The following POLR2F variants were observed in gnomAD, a reference collection of about 807,000 sequenced individuals.
The protein encoded by POLR2F is DNA-directed RNA polymerases I, II, and III subunit RPABC2.
A neutral mutation model predicts 22.7 loss-of-function variants in POLR2F; 12 were observed. The observed-to-expected ratio is 0.53, with a 90% CI of 0.34 to 0.86. The LOEUF (loss-of-function observed/expected upper bound fraction) is 0.86, where lower values mean the gene tolerates loss of function less well. Among genes scored for constraint, POLR2F ranks in the 40% least tolerant of loss-of-function variants. The probability of loss-of-function intolerance (pLI) is 0.02; values close to 1 mark genes in which losing one functional copy is unlikely to be tolerated. For synonymous variants in POLR2F, 57 were observed against 66.0 expected, an observed-to-expected ratio of 0.86 and a Z score of 0.66; for missense variants, 126 against 171.5, an observed-to-expected ratio of 0.73 and a Z score of 1.48.
At chr22:37,957,134 A>G (rs866629165) in intron 2 of POLR2F, among the ~76,000 whole-genome samples, 2 of 152,314 alleles carry the variant, frequency 1.3e-5, no homozygotes, top group Middle Eastern at 3.4e-3. Flanking sequence ...AATGTTTATT[A>G]TATGCCAGGT....
intron 1 of POLR2F, 122 bp from the exon 2 acceptor site, chr22:37,956,651 A>G (rs1931412362): frequency 1.3e-6 from 1 of 767,378 alleles, no homozygotes; most frequent in East Asian, 2.5e-5. Context: ...TCCTGGCCTC[A>G]AGTGATCCGC....
chr22:37,996,015 C>T (rs1269513159), intron 1 of POLR2F, among the ~76,000 whole-genome samples: 2 of 151,938 alleles, frequency 1.3e-5, no homozygotes, highest in African/African-American at 2.4e-5. Flanking sequence ...AAATAAAGAG[C>T]GAGGAGGAGG....
chr22:38,013,481 G>A (rs1037167813), intron 1 of POLR2F, among the ~76,000 whole-genome samples: 1 of 152,186 alleles, frequency 6.6e-6, no homozygotes, highest in African/African-American at 2.4e-5. Flanking sequence ...GAGAAATCTT[G>A]CTATCATTGT....
intron 1 of POLR2F, among the ~76,000 whole-genome samples, chr22:37,994,720 G>A (rs1368957301): frequency 4.6e-5 from 7 of 152,072 alleles, no homozygotes; most frequent in Admixed American, 2.0e-4. Flanking sequence ...GGGTTTCACC[G>A]TGGTCTCGAG....
intron 1 of POLR2F, among the ~76,000 whole-genome samples, chr22:38,006,521 G>C (rs1015126367): frequency 3.3e-5 from 5 of 152,224 alleles, no homozygotes; most frequent in Non-Finnish European, 7.3e-5. Flanking sequence ...CAGAGGAGAC[G>C]AGGCAGGTTC....
chr22:37,986,497 C>A lies in POLR2F; in HGVS notation c.120+185C>A. On this transcript the variant is annotated intron_variant, in intron 1 of 2. Coordinates refer to the POLR2F transcript ENST00000333418. The surrounding 1 kb of genome is among the most constrained non-coding windows in gnomAD (Gnocchi z 4.7). ...CCACAGCTGCCCCCTCTCTAACTCCCTGCTTCCTCCTTTGCCCTCCTTGGT... is the reference window on the plus strand; with the variant it reads ...CCACAGCTGCCCCCTCTCTAACTCCATGCTTCCTCCTTTGCCCTCCTTGGT... 1 of 1,344,566 alleles carries A rather than the reference C, an allele frequency of 7.4e-7. No homozygotes were observed. Among genetic ancestry groups the A allele is most frequent in the Non-Finnish European group, 1.0e-6 (1 of 972,928 alleles). 83.3% of individuals were successfully genotyped at this position (1,344,566 alleles called of 1,614,324 possible).
At chr22:37,979,427 G>T (rs1415785987) in intron 4 of POLR2F, among the ~76,000 whole-genome samples, 2 of 152,034 alleles carry the variant, frequency 1.3e-5, no homozygotes, top group African/African-American at 4.8e-5. Context: ...TGCTGCTTGC[G>T]GGGGTGGTTG....
At chr22:37,958,036 C>T (rs1226980479) in intron 2 of POLR2F, among the ~76,000 whole-genome samples, 2 of 152,022 alleles carry the variant, frequency 1.3e-5, no homozygotes, top group Non-Finnish European at 2.9e-5. Context: ...TGTCTTGCTA[C>T]GTTGTCTAGG....
At chr22:37,971,017 A>C (rs1447327338), downstream of POLR2F, 2 of 319,208 alleles carry the variant, frequency 6.3e-6, no homozygotes, top group Non-Finnish European at 1.2e-5. Flanking sequence ...AGATGGAGGG[A>C]TTTTGGCCAC....
At position 37,953,778 on chromosome 22, in the gene POLR2F, C is replaced by G. The variant is rs1389761124; in HGVS notation, c.-10C>G. 3.7e-6 allele frequency: 6 copies of G among 1,608,540 alleles called. No homozygotes were observed. Among genetic ancestry groups the G allele is most frequent in the African/African-American group, 1.3e-5 (1 of 74,884 alleles). ...CCGGGGCGCAGCGGGGTCGCTGAGG[C>G]GAGGGTGTCATGTCAGACAACGAGG... On this transcript the variant is annotated 5_prime_UTR_variant, in exon 1 of 5. Coordinates refer to ENST00000442738, the MANE Select transcript of POLR2F (RefSeq NM_021974.5).
intron 4 of POLR2F, among the ~76,000 whole-genome samples, chr22:37,975,633 G>C (rs1183240000): frequency 6.6e-6 from 1 of 152,208 alleles, no homozygotes. Flanking sequence ...CATCAGACCA[G>C]AGGCAGCGCC....
chr22:38,014,909 G>T (rs375932788), intron 1 of POLR2F, among the ~76,000 whole-genome samples: 3 of 148,914 alleles, frequency 2.0e-5, no homozygotes, highest in African/African-American at 7.4e-5. Context: ...CTGGGTTCAC[G>T]CCATTCTCCC....
At chr22:38,041,127 C>T (rs377375383), downstream of POLR2F, 18 of 1,612,490 alleles carry the variant, frequency 1.1e-5, no homozygotes, top group African/African-American at 5.3e-5. Context: ...GCATGGTGGA[C>T]GGAAGTACAT....
upstream of POLR2F, chr22:37,986,091 C>G (rs925188948): frequency 7.0e-7 from 1 of 1,419,902 alleles, no homozygotes; most frequent in Non-Finnish European, 9.2e-7. The surrounding 1 kb of genome is among the most constrained non-coding windows in gnomAD (Gnocchi z 4.7). Context: ...TGTCTTTGTT[C>G]GAAATACAGG....
chr22:38,014,592 A>G (rs1186882550), intron 1 of POLR2F, among the ~76,000 whole-genome samples: 3 of 150,788 alleles, frequency 2.0e-5, no homozygotes, highest in Admixed American at 2.0e-4. Context: ...TCCCGGGTTC[A>G]AGTGATTCTT....
At position 37,975,785 on chromosome 22, in the gene POLR2F, G is replaced by C. The variant is rs2145764511; in HGVS notation, c.293+8615G>C. Among the ~76,000 whole-genome samples, 2 of 152,230 alleles carry C rather than the reference G, an allele frequency of 1.3e-5. 1 individual carries two copies. Reference sequence around the variant, plus strand: ...AATAGAGATTGTACCAAGCAGCCCAGGCATTGCCTCTTTCTGGAAGCCTTC... The same window carrying C: ...AATAGAGATTGTACCAAGCAGCCCACGCATTGCCTCTTTCTGGAAGCCTTC... On this transcript the variant is annotated intron_variant, in intron 4 of 4. Transcript: ENST00000405557.
At chr22:38,005,988 C>T (rs765005233) in intron 1 of POLR2F, among the ~76,000 whole-genome samples, 11 of 152,088 alleles carry the variant, frequency 7.2e-5, no homozygotes, top group African/African-American at 9.7e-5. Context: ...TTTGGGAGGC[C>T]GAGGCAGGAG....
chr22:37,967,402 C>G (rs1171357752), intron 4 of POLR2F: 1 of 1,436,124 alleles, frequency 7.0e-7, no homozygotes, highest in East Asian at 2.5e-5. Flanking sequence ...TTCCCTGTTC[C>G]TGCTGCAGGA....
At chr22:37,996,410 A>G (rs1187066325) in intron 1 of POLR2F, among the ~76,000 whole-genome samples, 1 of 152,218 alleles carries the variant, frequency 6.6e-6, no homozygotes, top group Non-Finnish European at 1.5e-5. Context: ...CCTTGGCACT[A>G]GGGGGACAAG....
Sources: allele counts gnomAD v4.1 joint callset (sites outside exome capture counted in the v4.1 genomes callset), GRCh38; gene constraint gnomAD v4.1.1; non-coding constraint Gnocchi (gnomAD v3.1); transcripts MANE v1.5; gene names NCBI Gene and HGNC (gene_info 2026-07-23, HGNC 2026-07-21).